Variants in CALN1 observed in about 807,000 individuals in gnomAD.
CALN1 encodes calneuron 1, also known as calcium-binding protein 8.
A neutral mutation model predicts 30.6 loss-of-function variants in CALN1; 17 were observed. The ratio of observed to expected loss-of-function variants is 0.56; its 90% CI spans 0.38 to 0.83. CALN1 has a LOEUF of 0.83. CALN1 is among the 40% of genes least tolerant of loss of function. The pLI is 0.00. For missense variants in CALN1, 291 were observed against 354.9 expected (o/e 0.82, Z 1.45); for synonymous variants, 156 against 131.4 (o/e 1.19, Z -1.28).
At chr7:72,358,747 G>C (rs772930690) in intron 2 of CALN1, among the ~76,000 whole-genome samples, 1 of 151,968 alleles carries the variant, frequency 6.6e-6, no homozygotes, top group Non-Finnish European at 1.5e-5. Context: ...TTAGGAGTTC[G>C]AGACAAGCGT....
intron 3 of CALN1, among the ~76,000 whole-genome samples, chr7:72,140,275 TAAGAG>T (rs1368764142): frequency 2.0e-5 from 1 of 49,684 alleles, no homozygotes; most frequent in Non-Finnish European, 3.4e-5. Flanking sequence ...TGTCTCAAAA[TAAGAG>T]AGAGAGAGAG....
intron 4 of CALN1, among the ~76,000 whole-genome samples, chr7:72,095,492 T>G (rs1023633764): frequency 3.3e-5 from 5 of 152,218 alleles, no homozygotes; most frequent in Admixed American, 2.0e-4. Flanking sequence ...TGCAGGCATT[T>G]GCAGAGACAT....
chr7:72,399,169 G>C (rs1314381197), intron 2 of CALN1, among the ~76,000 whole-genome samples: 3 of 152,030 alleles, frequency 2.0e-5, no homozygotes, highest in Admixed American at 2.0e-4. Flanking sequence ...CAGTAACGTA[G>C]GCTGACAAAT....
intron 5 of CALN1, among the ~76,000 whole-genome samples, chr7:72,012,067 T>C (rs1179943150): frequency 3.3e-5 from 5 of 152,136 alleles, no homozygotes; most frequent in African/African-American, 1.2e-4. Context: ...TTGGGAAGGT[T>C]CTATGGAACA....
intron 3 of CALN1, among the ~76,000 whole-genome samples, chr7:72,155,237 C>G (rs968459005): frequency 6.6e-6 from 1 of 152,112 alleles, no homozygotes; most frequent in African/African-American, 2.4e-5. Context: ...CTTGGGCTTC[C>G]AGCCTCCAGA....
intron 2 of CALN1, among the ~76,000 whole-genome samples, chr7:72,331,325 G>A (rs1310732844): frequency 3.3e-5 from 5 of 151,986 alleles, no homozygotes; most frequent in African/African-American, 1.2e-4. Context: ...ACTCCAGCCT[G>A]GGCAACAGAG....
At chr7:72,077,519 C>A (rs537223141) in intron 4 of CALN1, among the ~76,000 whole-genome samples, 1 of 152,282 alleles carries the variant, frequency 6.6e-6, no homozygotes, top group African/African-American at 2.4e-5. Flanking sequence ...AGTGATCTGC[C>A]CGCCTCGGCC....
intron 5 of CALN1, among the ~76,000 whole-genome samples, chr7:71,866,006 T>C (rs1374762938): frequency 1.3e-5 from 2 of 151,916 alleles, no homozygotes; most frequent in Admixed American, 6.6e-5. Context: ...CAAGGCACAT[T>C]TTTTTTCTTT....
At chr7:72,034,309 G>A (rs1436865356) in intron 4 of CALN1, among the ~76,000 whole-genome samples, 1 of 147,856 alleles carries the variant, frequency 6.8e-6, no homozygotes, top group Non-Finnish European at 1.5e-5. Context: ...AGCCGAGATT[G>A]TGCCACTGCA....
At chr7:72,140,926 C>T (rs542453484) in intron 3 of CALN1, among the ~76,000 whole-genome samples, 2 of 152,198 alleles carry the variant, frequency 1.3e-5, no homozygotes, top group African/African-American at 2.4e-5. Flanking sequence ...GCTGGTTCCC[C>T]ACCTGGGAGG....
At chr7:72,000,818 G>A (rs1799489431) in intron 5 of CALN1, among the ~76,000 whole-genome samples, 1 of 152,170 alleles carries the variant, frequency 6.6e-6, no homozygotes, top group African/African-American at 2.4e-5. Context: ...ATCCAGTAAT[G>A]TATAAAAAGA....
chr7:71,833,903 G>A (rs1236841591), intron 5 of CALN1, among the ~76,000 whole-genome samples: 2 of 151,772 alleles, frequency 1.3e-5, no homozygotes, highest in African/African-American at 2.4e-5. Context: ...GTGAGATCCT[G>A]TCTCTTAAAA....
chr7:72,302,379 A>G (rs1461995856), intron 2 of CALN1, among the ~76,000 whole-genome samples: 1 of 152,224 alleles, frequency 6.6e-6, no homozygotes, highest in African/African-American at 2.4e-5. Context: ...TGCTGACATT[A>G]AACTGCACAT....
chr7:72,061,113 T>G (rs764293085), intron 4 of CALN1, among the ~76,000 whole-genome samples: 2 of 152,130 alleles, frequency 1.3e-5, no homozygotes, highest in Admixed American at 6.5e-5. Flanking sequence ...GGTCAGAATT[T>G]TCAGCCTACA....
chr7:72,030,554 C>A (rs568913281), intron 4 of CALN1, among the ~76,000 whole-genome samples: 2 of 152,174 alleles, frequency 1.3e-5, no homozygotes, highest in African/African-American at 4.8e-5. Flanking sequence ...GATCCCTATG[C>A]CCCCACACCC....
intron 3 of CALN1, among the ~76,000 whole-genome samples, chr7:72,253,733 CA>C: frequency 6.6e-6 from 1 of 152,224 alleles, no homozygotes; most frequent in South Asian, 2.1e-4. Context: ...GACACAAAGC[CA>C]AACCATATCC....
intron 1 of CALN1, among the ~76,000 whole-genome samples, chr7:72,410,069 T>C (rs1296496725): frequency 6.6e-6 from 1 of 152,206 alleles, no homozygotes; most frequent in Non-Finnish European, 1.5e-5. Context: ...GACAAAATGT[T>C]CCATTGTGCG....
At chr7:72,140,899 T>A (rs773050030) in intron 3 of CALN1, among the ~76,000 whole-genome samples, 13 of 152,218 alleles carry the variant, frequency 8.5e-5, no homozygotes, top group Non-Finnish European at 1.8e-4. Context: ...GGGGCCTTGC[T>A]CTGCAGTCCT....
intron 2 of CALN1, among the ~76,000 whole-genome samples, chr7:72,308,389 GA>G (rs1799811817): frequency 8.4e-6 from 1 of 118,372 alleles, no homozygotes; most frequent in East Asian, 7.5e-4. Context: ...GAGAGAGAGA[GA>G]GAGAGAGAGA....
Sources: allele counts gnomAD v4.1 joint callset (sites outside exome capture counted in the v4.1 genomes callset), GRCh38; gene constraint gnomAD v4.1.1; transcripts MANE v1.5; gene names NCBI Gene and HGNC (gene_info 2026-07-23, HGNC 2026-07-21).